ADGRL2: variants seen among roughly 807,000 people sequenced by gnomAD.
The protein encoded by ADGRL2 is adhesion G protein-coupled receptor L2.
Under a neutral mutation model 157.4 loss-of-function variants are expected in ADGRL2, and 44 were observed. The observed-to-expected ratio is 0.28, with a 90% CI of 0.22 to 0.36. The LOEUF (loss-of-function observed/expected upper bound fraction) is 0.36. Among genes scored for constraint, ADGRL2 ranks in the 10% least tolerant of loss-of-function variants. The pLI, the probability that ADGRL2 is intolerant of heterozygous loss-of-function variation, is 1.00. For missense variants in ADGRL2, 1,510 were observed against 1,768.9 expected (o/e 0.85, Z 2.63); for synonymous variants, 585 against 624.7 (o/e 0.94, Z 0.95).
intron 1 of ADGRL2, among the ~76,000 whole-genome samples, chr1:81,407,634 T>G (rs12751525): frequency 0.39 from 59,962 of 152,160 alleles, 13,145 homozygotes; most frequent in Non-Finnish European, 0.49. Flanking sequence ...ATAGGAGAGA[T>G]GCATTCTCAT....
In ADGRL2 at chr1:81,954,340, C is replaced by T. The variant is rs1489564088; in HGVS notation, c.1833+1315C>T. Among the ~76,000 whole-genome samples the T allele has an allele frequency of 4.0e-5, 6 of 151,838 alleles. No homozygotes were observed. The East Asian group carries it at 1.2e-3, about 29-fold the overall frequency. On this transcript the variant is annotated intron_variant, in intron 10 of 23. Transcript: ENST00000686636. ...AGTGTTTCAAATTAATAAAAGCATGCCATTAGCAAGTTATGTGTATATGGA... is the reference window on the plus strand; with the variant it reads ...AGTGTTTCAAATTAATAAAAGCATGTCATTAGCAAGTTATGTGTATATGGA...
intron 1 of ADGRL2, among the ~76,000 whole-genome samples, chr1:81,340,599 A>G (rs1332601534): frequency 6.6e-6 from 1 of 152,178 alleles, no homozygotes; most frequent in Non-Finnish European, 1.5e-5. Flanking sequence ...ATTTATGATT[A>G]AAATTAAAAG....
intron 2 of ADGRL2, among the ~76,000 whole-genome samples, chr1:81,870,817 T>C (rs1053423457): frequency 6.6e-6 from 1 of 152,110 alleles, no homozygotes. Flanking sequence ...TCATGAAAAT[T>C]TTAGTGTTTA....
intron 1 of ADGRL2, among the ~76,000 whole-genome samples, chr1:81,390,122 G>T (rs4534432): frequency 6.6e-6 from 1 of 151,836 alleles, no homozygotes; most frequent in African/African-American, 2.4e-5. Context: ...CAAGGAAGAA[G>T]AGAAGTTCTG....
At chr1:81,957,193 A>AC (rs1435376443) in intron 11 of ADGRL2, among the ~76,000 whole-genome samples, 5 of 151,654 alleles carry the variant, frequency 3.3e-5, no homozygotes, top group Admixed American at 6.6e-5. Flanking sequence ...TTAAAAAAAA[A>AC]AAACCACTAA....
intron 2 of ADGRL2, among the ~76,000 whole-genome samples, chr1:81,783,466 T>C (rs771101825): frequency 8.6e-4 from 131 of 152,210 alleles, no homozygotes; most frequent in Non-Finnish European, 1.5e-3. Context: ...TTTTTTATTT[T>C]TTCTTTGCCT....
intron 1 of ADGRL2, among the ~76,000 whole-genome samples, chr1:81,329,617 T>A (rs1419164213): frequency 6.6e-6 from 1 of 152,172 alleles, no homozygotes; most frequent in Non-Finnish European, 1.5e-5. Context: ...CTGAGCAGCA[T>A]CATACTTTAG....
intron 1 of ADGRL2, among the ~76,000 whole-genome samples, chr1:81,738,267 G>A (rs1402734086): frequency 6.6e-6 from 1 of 152,118 alleles, no homozygotes; most frequent in East Asian, 1.9e-4. Context: ...TCTCATGACT[G>A]GAAGAACGGC....
At chr1:81,371,654 A>T (rs890382715) in intron 1 of ADGRL2, among the ~76,000 whole-genome samples, 1 of 152,194 alleles carries the variant, frequency 6.6e-6, no homozygotes, top group Non-Finnish European at 1.5e-5. Flanking sequence ...TGTAGCCTTA[A>T]ATCTCTGTGA....
chr1:81,309,287 C>T (rs1208136774), intron 1 of ADGRL2, among the ~76,000 whole-genome samples: 1 of 152,014 alleles, frequency 6.6e-6, no homozygotes, highest in Non-Finnish European at 1.5e-5. Flanking sequence ...GAGTGAAAAC[C>T]CAATGGATTT....
intron 1 of ADGRL2, among the ~76,000 whole-genome samples, chr1:81,826,499 A>G (rs1162246448): frequency 3.3e-5 from 5 of 152,238 alleles, no homozygotes; most frequent in Non-Finnish European, 7.3e-5. Context: ...ATAAGCTGCA[A>G]CTTAGACTGT....
intron 1 of ADGRL2, among the ~76,000 whole-genome samples, chr1:81,402,063 A>G (rs1354010346): frequency 6.9e-6 from 1 of 144,802 alleles, no homozygotes; most frequent in African/African-American, 2.5e-5. Context: ...AAGATTTAGC[A>G]GATGGCATAC....
Position 81,718,597 on chromosome 1 carries a change from T to C in ADGRL2, c.-143+18789T>C, listed in dbSNP as rs534260893. Among the ~76,000 whole-genome samples the C allele has an allele frequency of 3.3e-5, 5 of 152,304 alleles. No individual in the cohort carries two copies. The South Asian group carries it at 1.0e-3, about 32-fold the overall frequency. On this transcript the variant is annotated intron_variant, in intron 1 of 20. Coordinates refer to the ADGRL2 transcript ENST00000359929. ...TTGCTGACTTGGAAACCTTAAAGTGTTTTGTATCCTTTTCATTATCTACAA... is the reference window on the plus strand; with the variant it reads ...TTGCTGACTTGGAAACCTTAAAGTGCTTTGTATCCTTTTCATTATCTACAA...
chr1:81,731,280 AT>A (rs1236280785), intron 1 of ADGRL2, among the ~76,000 whole-genome samples: 1 of 152,022 alleles, frequency 6.6e-6, no homozygotes, highest in African/African-American at 2.4e-5. Flanking sequence ...GTTCATTAAA[AT>A]TTTTTTCCCA....
intron 2 of ADGRL2, among the ~76,000 whole-genome samples, chr1:81,468,650 G>A (rs866416021): frequency 6.6e-6 from 1 of 152,118 alleles, no homozygotes; most frequent in Non-Finnish European, 1.5e-5. Flanking sequence ...AAGGATGATA[G>A]CATAAATTCA....
chr1:81,491,061 C>G (rs1223032119), intron 2 of ADGRL2, among the ~76,000 whole-genome samples: 1 of 152,122 alleles, frequency 6.6e-6, no homozygotes, highest in African/African-American at 2.4e-5. Context: ...TAAAATGTTT[C>G]CAGTAACCAT....
chr1:81,726,307 T>A (rs1400374352), intron 1 of ADGRL2, among the ~76,000 whole-genome samples: 5 of 152,106 alleles, frequency 3.3e-5, no homozygotes, highest in African/African-American at 1.2e-4. Flanking sequence ...CTGCGGCCAG[T>A]CACATGGGAT....
chr1:81,946,718 G>A (rs535069675), intron 6 of ADGRL2, among the ~76,000 whole-genome samples: 5 of 152,090 alleles, frequency 3.3e-5, no homozygotes, highest in Middle Eastern at 3.4e-3. Flanking sequence ...TCATACTTCC[G>A]GAAATACCTT....
intron 1 of ADGRL2, among the ~76,000 whole-genome samples, chr1:81,740,022 A>G (rs1476232138): frequency 3.9e-5 from 6 of 152,340 alleles, no homozygotes; most frequent in African/African-American, 1.4e-4. Context: ...ATATAATCAC[A>G]TGGATTGTTC....
Sources: allele counts gnomAD v4.1 joint callset (sites outside exome capture counted in the v4.1 genomes callset), GRCh38; gene constraint gnomAD v4.1.1; transcripts MANE v1.5; gene names NCBI Gene and HGNC (gene_info 2026-07-23, HGNC 2026-07-21).